The following SOBP variants were observed in gnomAD, a reference collection of about 807,000 sequenced individuals.
SOBP encodes the protein sine oculis-binding protein homolog.
Under a neutral mutation model 53.6 loss-of-function variants are expected in SOBP, and 4 were observed. The observed-to-expected ratio is 0.07, with a 90% CI of 0.04 to 0.17. The LOEUF is 0.17. Among genes scored for constraint, SOBP ranks in the 10% least tolerant of loss-of-function variants. The pLI is 1.00. For synonymous variants in SOBP, 584 were observed against 522.6 expected (o/e 1.12, Z -1.60); for missense variants, 1,088 against 1,204.7 (o/e 0.90, Z 1.43).
chr6:107,616,047 G>GA (rs574471621), intron 5 of SOBP, among the ~76,000 whole-genome samples: 4 of 114,192 alleles, frequency 3.5e-5, no homozygotes, highest in East Asian at 2.9e-4. Context: ...AAAAAAAAAA[G>GA]AAAAAAAAAG....
In SOBP at chr6:107,506,274, G is replaced by A. The variant is rs1325326796; in HGVS notation, c.268G>A (p.Asp90Asn). 5.0e-6 allele frequency: 8 copies of A among 1,613,986 alleles called. No individual in the cohort carries two copies. In the South Asian group the frequency reaches 6.6e-5, roughly 13 times the overall value. Reference sequence around the variant, plus strand: ...TTTGCCAAAACCAAAATTACCCGAGGACAGTGTTATTTCACCATACAATAT... The same window carrying A: ...TTTGCCAAAACCAAAATTACCCGAGAACAGTGTTATTTCACCATACAATAT... ...NSLPKPKLPE[D>N]SVISPYNIST... The change falls in exon 3 of 7, where the codon GAC (aspartate) becomes AAC (asparagine). Residue 90 changes from aspartate to asparagine, a missense_variant. Around this residue, in one of 6 missense-constraint regions of SOBP, gnomAD observed 112 missense variants for 117.9 expected, o/e 0.95. Coordinates refer to ENST00000317357, the MANE Select transcript of SOBP (RefSeq NM_018013.4).
intron 6 of SOBP, among the ~76,000 whole-genome samples, chr6:107,656,327 G>GAA (rs1156922071): frequency 9.5e-4 from 6 of 6,346 alleles, no homozygotes; most frequent in African/African-American, 2.1e-3. Flanking sequence ...AAGAAAGAAA[G>GAA]AAAGAAAGAA....
Position 107,634,715 on chromosome 6 carries a change from C to T in SOBP, c.1871C>T (p.Thr624Met), listed in dbSNP as rs1299587991. ...GGCCGGAGCGAGGTGGTGGACCTGA[C>T]GCGGCGCGCCGGCAGCCCCCCGGGC... ...EHGRSEVVDL[T>M]RRAGSPPGPP... is the part of the protein sequence containing the mutation. The change falls in exon 6 of 7, where the codon ACG becomes ATG. Residue 624 changes from threonine to methionine, a missense_variant. Physicochemically the swap from Thr to Met is moderately conservative, Grantham distance 81. This residue lies in a region of SOBP where 665 missense variants were observed against 629.7 expected (regional missense o/e 1.06). Transcript: ENST00000317357. The surrounding 1 kb of genome is among the most constrained non-coding windows in gnomAD (Gnocchi z 4.5). 8.7e-6 allele frequency: 12 copies of T among 1,380,486 alleles called. No individual in the cohort carries two copies. The highest frequency in any genetic ancestry group is 8.4e-6 in the Non-Finnish European group (9 of 1,074,636). 85.5% of individuals were successfully genotyped at this position (1,380,486 alleles called of 1,614,324 possible).
At chr6:107,586,869 A>G (rs552673674) in intron 4 of SOBP, among the ~76,000 whole-genome samples, 339 of 152,340 alleles carry the variant, frequency 2.2e-3, no homozygotes, top group African/African-American at 7.6e-3. Context: ...TTACACCACA[A>G]TGAATTTGCA....
chr6:107,490,589 C>T lies in SOBP; in HGVS notation c.-28C>T, dbSNP rs1460492527. On this transcript the variant is annotated 5_prime_UTR_variant, in exon 1 of 7. Coordinates refer to ENST00000317357, the MANE Select transcript of SOBP (RefSeq NM_018013.4). ...CCGCCGGCGGCGGCAGCAGCCATTT[C>T]ATCTCCACAGAAACCAGACACAAAA... The T allele has an allele frequency of 2.6e-6, 4 of 1,562,952 alleles. No individual in the cohort carries two copies. In the African/African-American group the frequency reaches 5.4e-5, roughly 21 times the overall value.
chr6:107,515,675 G>A (rs1257164518), intron 3 of SOBP, among the ~76,000 whole-genome samples: 1 of 152,190 alleles, frequency 6.6e-6, no homozygotes, highest in Non-Finnish European at 1.5e-5. Flanking sequence ...CTTGAACCTG[G>A]GAGGTGGAGG....
At chr6:107,545,706 C>T (rs1204245191) in intron 4 of SOBP, among the ~76,000 whole-genome samples, 1 of 151,832 alleles carries the variant, frequency 6.6e-6, no homozygotes, top group African/African-American at 2.4e-5. Flanking sequence ...CTAGCTACAC[C>T]TTTACCTGCC....
At chr6:107,582,966 T>C (rs1263422634) in intron 4 of SOBP, among the ~76,000 whole-genome samples, 1 of 152,268 alleles carries the variant, frequency 6.6e-6, no homozygotes, top group Non-Finnish European at 1.5e-5. Context: ...CCAGTGATTC[T>C]GAACAATTTT....
chr6:107,513,531 T>C (rs1583160782), intron 3 of SOBP, among the ~76,000 whole-genome samples: 1 of 152,224 alleles, frequency 6.6e-6, no homozygotes, highest in African/African-American at 2.4e-5. Context: ...TTATTTATTT[T>C]ATCTGTTATT....
intron 4 of SOBP, among the ~76,000 whole-genome samples, chr6:107,535,076 T>C (rs899142011): frequency 3.9e-5 from 6 of 152,262 alleles, no homozygotes; most frequent in East Asian, 3.9e-4. Flanking sequence ...TGTCTTTCTA[T>C]AATTCTGAAG....
At chr6:107,520,595 C>T (rs1783454719) in intron 3 of SOBP, among the ~76,000 whole-genome samples, 1 of 152,128 alleles carries the variant, frequency 6.6e-6, no homozygotes, top group Admixed American at 6.5e-5. Context: ...TTCAGGATAC[C>T]TTGTCCCAGG....
chr6:107,556,821 C>T (rs950953650), intron 4 of SOBP, among the ~76,000 whole-genome samples: 1 of 152,146 alleles, frequency 6.6e-6, no homozygotes, highest in East Asian at 1.9e-4. Flanking sequence ...AGTCAAACCT[C>T]GGAGCAGATG....
intron 5 of SOBP, among the ~76,000 whole-genome samples, chr6:107,596,101 T>C (rs1429704139): frequency 6.6e-6 from 1 of 152,214 alleles, no homozygotes; most frequent in Non-Finnish European, 1.5e-5. Flanking sequence ...AAGAGCTTTG[T>C]GTGTCAAGAG....
At position 107,580,408 on chromosome 6, in the gene SOBP, G is replaced by T. The variant is rs150519316; in HGVS notation, c.574-6672G>T. Among the ~76,000 whole-genome samples, 862 of 152,318 alleles carry T rather than the reference G, an allele frequency of 5.7e-3. 6 individuals carry two copies. The highest frequency in any genetic ancestry group is 0.02 in the African/African-American group (830 of 41,566). On this transcript the variant is annotated intron_variant, in intron 4 of 6. Coordinates refer to ENST00000317357, the MANE Select transcript of SOBP (RefSeq NM_018013.4). ...GAAAAACAGAACATTCCAGGCCTTG[G>T]CTTAAGGAAGAATGAGAGCTAATGA...
intron 6 of SOBP, among the ~76,000 whole-genome samples, chr6:107,638,871 A>C (rs116220470): frequency 1.3e-5 from 2 of 151,438 alleles, no homozygotes; most frequent in Non-Finnish European, 2.9e-5. Context: ...TGCCTTTTTC[A>C]TACTGTAGTA....
At chr6:107,551,170 A>G (rs980767989) in intron 4 of SOBP, among the ~76,000 whole-genome samples, 1 of 152,184 alleles carries the variant, frequency 6.6e-6, no homozygotes, top group African/African-American at 2.4e-5. Context: ...GGGGCCACAC[A>G]TCTAGTGGCG....
At chr6:107,519,485 G>A (rs1359996170) in intron 3 of SOBP, among the ~76,000 whole-genome samples, 1 of 152,052 alleles carries the variant, frequency 6.6e-6, no homozygotes, top group Non-Finnish European at 1.5e-5. Flanking sequence ...GACCAGCTTG[G>A]GCGTGTGCAT....
chr6:107,646,432 C>T (rs1268618899), intron 6 of SOBP, among the ~76,000 whole-genome samples: 1 of 152,222 alleles, frequency 6.6e-6, no homozygotes, highest in African/African-American at 2.4e-5. Context: ...AGCTCTGAGC[C>T]TTAAGCCAGC....
rs1348809844 is a variant in SOBP at position 107,620,655 on chromosome 6, A to T, written c.670-12859A>T. Among the ~76,000 whole-genome samples the T allele has an allele frequency of 1.6e-4, 25 of 152,160 alleles. 1 individual carries two copies. On this transcript the variant is annotated intron_variant, in intron 5 of 6. Coordinates refer to ENST00000317357, the MANE Select transcript of SOBP (RefSeq NM_018013.4). ...TTCCTGCCCACTTTTGGAACATGCCAATCTGTATCAAAGGCATGCCTTGAT... is the reference window on the plus strand; with the variant it reads ...TTCCTGCCCACTTTTGGAACATGCCTATCTGTATCAAAGGCATGCCTTGAT...
Sources: allele counts gnomAD v4.1 joint callset (sites outside exome capture counted in the v4.1 genomes callset), GRCh38; gene constraint gnomAD v4.1.1; regional missense constraint gnomAD v4.1.1; non-coding constraint Gnocchi (gnomAD v3.1); transcripts MANE v1.5; gene names NCBI Gene and HGNC (gene_info 2026-07-23, HGNC 2026-07-21).